The following ATP6V1C1 variants were observed in gnomAD, a reference collection of about 807,000 sequenced individuals.
ATP6V1C1 encodes the protein ATPase H+ transporting V1 subunit C1, also known as V-type proton ATPase subunit C 1.
A neutral mutation model predicts 53.9 loss-of-function variants in ATP6V1C1; 45 were observed. That is an observed-to-expected ratio of 0.83 (90% CI 0.66 to 1.07). The LOEUF is 1.07. Ranked by LOEUF, ATP6V1C1 falls within the 50% of genes least tolerant of loss-of-function variation. The probability of loss-of-function intolerance (pLI) is 0.00; values close to 1 mark genes in which losing one functional copy is unlikely to be tolerated. For missense variants in ATP6V1C1, 315 were observed against 440.3 expected (o/e 0.72, Z 2.55); for synonymous variants, 153 against 155.2 (o/e 0.99, Z 0.11).
At chr8:103,055,650 G>A (rs899353746) in intron 7 of ATP6V1C1, among the ~76,000 whole-genome samples, 1 of 152,064 alleles carries the variant, frequency 6.6e-6, no homozygotes, top group Non-Finnish European at 1.5e-5. Context: ...TTTTGCAATG[G>A]TTACTGGAGG....
chr8:103,035,611 A>G (rs1816880904), intron 1 of ATP6V1C1, among the ~76,000 whole-genome samples: 1 of 152,172 alleles, frequency 6.6e-6, no homozygotes, highest in African/African-American at 2.4e-5. Flanking sequence ...GGCAGCAGCT[A>G]ATACAATCAT....
At chr8:103,024,854 G>C (rs1289752728) in intron 1 of ATP6V1C1, among the ~76,000 whole-genome samples, 2 of 152,114 alleles carry the variant, frequency 1.3e-5, no homozygotes, top group African/African-American at 2.4e-5. Context: ...CTACTTCTAA[G>C]ATTATACCAT....
chr8:103,046,351 C>T (rs1191738243), intron 3 of ATP6V1C1, among the ~76,000 whole-genome samples: 1 of 152,040 alleles, frequency 6.6e-6, no homozygotes, highest in East Asian at 1.9e-4. Context: ...GGACTATAGG[C>T]TTGCACCACC....
intron 3 of ATP6V1C1, among the ~76,000 whole-genome samples, chr8:103,047,430 G>GCGCGCGCACACACACACACACACACA (rs1491170438): frequency 9.5e-6 from 1 of 104,948 alleles, no homozygotes; most frequent in African/African-American, 3.5e-5. Context: ...AAATGCGCGC[G>GCGCGCGCACACACACACACACACACA]CACACACACA....
chr8:103,062,815 C>A, intron 8 of ATP6V1C1, 140 bp from the exon 9 acceptor site: 1 of 665,564 alleles, frequency 1.5e-6, no homozygotes, highest in Non-Finnish European at 2.6e-6. Context: ...TTGAGGCAAT[C>A]CAGATTGAAA....
chr8:103,056,328 G>A (rs1817288366), intron 8 of ATP6V1C1, among the ~76,000 whole-genome samples: 1 of 152,132 alleles, frequency 6.6e-6, no homozygotes, highest in Non-Finnish European at 1.5e-5. Flanking sequence ...CTTGGCAAAG[G>A]AAGTGTACCA....
chr8:103,043,522 G>A (rs548290828), intron 3 of ATP6V1C1, among the ~76,000 whole-genome samples: 5 of 151,066 alleles, frequency 3.3e-5, no homozygotes, highest in East Asian at 3.9e-4. Context: ...TAGTAGAGAC[G>A]GGGTTTCACC....
At chr8:103,068,418 A>G (rs1408765245) in intron 12 of ATP6V1C1, among the ~76,000 whole-genome samples, 1 of 152,230 alleles carries the variant, frequency 6.6e-6, no homozygotes, top group African/African-American at 2.4e-5. Flanking sequence ...TGCAGTCAGA[A>G]TGCTTGAACC....
intron 8 of ATP6V1C1, among the ~76,000 whole-genome samples, chr8:103,059,192 G>C (rs546975470): frequency 6.6e-6 from 1 of 152,270 alleles, no homozygotes; most frequent in Admixed American, 6.5e-5. Flanking sequence ...CCACTGTCCA[G>C]AAGTTTCTCT....
chr8:103,029,416 C>T (rs1037183334), intron 1 of ATP6V1C1, among the ~76,000 whole-genome samples: 10 of 151,758 alleles, frequency 6.6e-5, no homozygotes, highest in Admixed American at 1.3e-4. Context: ...ATTACAGATG[C>T]GTGCCACCGT....
At chr8:103,067,732 C>T (rs771379376) in intron 12 of ATP6V1C1, among the ~76,000 whole-genome samples, 6 of 150,800 alleles carry the variant, frequency 4.0e-5, no homozygotes, top group Non-Finnish European at 7.4e-5. Flanking sequence ...TCCTGAGTAG[C>T]TGGGATTATG....
At chr8:103,063,368 C>A in intron 10 of ATP6V1C1, 140 bp downstream of exon 10, 1 of 586,588 alleles carries the variant, frequency 1.7e-6, no homozygotes, top group Non-Finnish European at 2.9e-6. Context: ...ATTGAATAAT[C>A]AGAATGAATT....
intron 8 of ATP6V1C1, among the ~76,000 whole-genome samples, chr8:103,062,143 AC>A (rs1817409751): frequency 7.1e-6 from 1 of 140,408 alleles, no homozygotes; most frequent in Admixed American, 7.2e-5. Flanking sequence ...GATTATTTAG[AC>A]AGTTGTGTTC....
intron 5 of ATP6V1C1, among the ~76,000 whole-genome samples, chr8:103,052,109 G>A (rs1009599167): frequency 1.2e-4 from 18 of 151,962 alleles, no homozygotes; most frequent in Non-Finnish European, 2.7e-4. Flanking sequence ...TCTGCTTCCT[G>A]ATGCTGTTGT....
At chr8:103,066,469 A>G in intron 12 of ATP6V1C1, 22 bp downstream of exon 12, 1 of 1,532,394 alleles carries the variant, frequency 6.5e-7, no homozygotes, top group Non-Finnish European at 8.7e-7. Flanking sequence ...TTAGCCCAGT[A>G]GAGTAAGAAT....
intron 3 of ATP6V1C1, among the ~76,000 whole-genome samples, chr8:103,043,626 C>T (rs560776742): frequency 7.9e-5 from 12 of 151,234 alleles, no homozygotes; most frequent in South Asian, 2.1e-4. Context: ...CCACCGCGCC[C>T]GGCTGATAAT....
chr8:103,047,820 A>G (rs1563605511), intron 3 of ATP6V1C1, among the ~76,000 whole-genome samples: 1 of 152,164 alleles, frequency 6.6e-6, no homozygotes, highest in African/African-American at 2.4e-5. Flanking sequence ...TCTGTCCTTC[A>G]TCGCCCTACT....
At chr8:103,062,788 T>C (rs545307093) in intron 8 of ATP6V1C1, among the ~76,000 whole-genome samples, 167 bp from the exon 9 acceptor site, 82 of 152,318 alleles carry the variant, frequency 5.4e-4, no homozygotes, top group Non-Finnish European at 5.3e-4. Flanking sequence ...ATCATAAACA[T>C]TCAGTATCTT....
intron 8 of ATP6V1C1, 51 bp downstream of exon 8, chr8:103,055,987 G>A (rs1276698074): frequency 6.5e-7 from 1 of 1,547,760 alleles, no homozygotes; most frequent in East Asian, 2.3e-5. Context: ...TCCTTTTAGA[G>A]TTTGGATGTT....
Sources: allele counts gnomAD v4.1 joint callset (sites outside exome capture counted in the v4.1 genomes callset), GRCh38; gene constraint gnomAD v4.1.1; transcripts MANE v1.5; gene names NCBI Gene and HGNC (gene_info 2026-07-23, HGNC 2026-07-21).